The following TARM1 variants were observed in gnomAD, a reference collection of about 807,000 sequenced individuals.
TARM1 encodes the protein T-cell-interacting, activating receptor on myeloid cells protein 1.
TARM1 carries 24 observed loss-of-function variants against 30.4 expected under a neutral mutation model. The ratio of observed to expected loss-of-function variants is 0.79; its 90% CI spans 0.57 to 1.11. The LOEUF is 1.11. Among genes scored for constraint, TARM1 ranks in the 50% least tolerant of loss-of-function variants. TARM1 has a pLI of 0.00. For synonymous variants in TARM1, 129 were observed against 138.9 expected (o/e 0.93, Z 0.50); for missense variants, 323 against 332.8 (o/e 0.97, Z 0.23).
intron 1 of TARM1, among the ~76,000 whole-genome samples, chr19:54,080,320 T>C (rs755445756): frequency 4.7e-5 from 7 of 148,316 alleles, no homozygotes; most frequent in Non-Finnish European, 9.0e-5. Context: ...AAGCCGGGCA[T>C]GGTGGCGGGC....
chr19:54,071,104 C>T (rs2071800277), intron 4 of TARM1, among the ~76,000 whole-genome samples: 1 of 151,166 alleles, frequency 6.6e-6, no homozygotes, highest in South Asian at 2.1e-4. Flanking sequence ...ATTACAGGCA[C>T]CTACCACCAC....
Position 54,069,923 on chromosome 19 carries a change from A to C in TARM1, c.*80T>G, listed in dbSNP as rs1386089765. 2 of 1,101,740 alleles carry C rather than the reference A, an allele frequency of 1.8e-6. No homozygotes were observed. Among genetic ancestry groups the C allele is most frequent in the African/African-American group, 3.1e-5 (2 of 63,522 alleles). The allele number at this position is 1,101,740 out of a possible 1,614,324, so 68.2% of individuals were successfully genotyped here. A position where few individuals can be genotyped will look rare whatever the true frequency, so the allele number is the denominator to read the frequency against. On this transcript the variant is annotated 3_prime_UTR_variant, in exon 5 of 5. Transcript: ENST00000432826. The stretch of plus-strand genomic sequence containing the variant: ...ATGTTGTGACCTGTCTCATCCTGTG[A>C]CTTAGAAAGCCTCAACCCCCTGGGA...
intron 1 of TARM1, among the ~76,000 whole-genome samples, chr19:54,079,592 C>T (rs1255761470): frequency 2.0e-5 from 3 of 152,174 alleles, no homozygotes; most frequent in Admixed American, 2.0e-4. Flanking sequence ...TGGCTCACGC[C>T]TGTAATCCCA....
intron 1 of TARM1, chr19:54,076,153 C>T: frequency 6.7e-7 from 1 of 1,490,346 alleles, no homozygotes; most frequent in Non-Finnish European, 8.9e-7. Flanking sequence ...CCTCCCCCTG[C>T]TCCAGGCCTT....
Position 54,074,809 on chromosome 19 carries a change from G to T in TARM1, c.361+15C>A. 1 of 1,547,556 alleles carries T rather than the reference G, an allele frequency of 6.5e-7. No homozygotes were observed. Among genetic ancestry groups the T allele is most frequent in the Middle Eastern group, 1.7e-4 (1 of 5,980 alleles). On this transcript the variant is annotated intron_variant, in intron 3 of 4. Coordinates refer to ENST00000432826, the MANE Select transcript of TARM1 (RefSeq NM_001135686.3). Reference sequence around the variant, plus strand: ...CCTGTCCCCCGTATGTCATTGGCAGGCACCCTGTCTGTACCTGTCACCAAC... The same window carrying T: ...CCTGTCCCCCGTATGTCATTGGCAGTCACCCTGTCTGTACCTGTCACCAAC...
chr19:54,079,931 G>A lies in TARM1; in HGVS notation c.34+1376C>T, dbSNP rs587721471. On this transcript the variant is annotated intron_variant, in intron 1 of 4. Coordinates refer to ENST00000432826, the MANE Select transcript of TARM1 (RefSeq NM_001135686.3). Reference sequence around the variant, plus strand: ...AGGCAGGAGAATTGCTTGAGCCCAGGAGGTGGAGGCTGCAGTGAGCTGTGG... The same window carrying A: ...AGGCAGGAGAATTGCTTGAGCCCAGAAGGTGGAGGCTGCAGTGAGCTGTGG... Among the ~76,000 whole-genome samples, 23 of 150,952 alleles carry A rather than the reference G, an allele frequency of 1.5e-4. No individual in the cohort carries two copies. The East Asian group carries it at 3.5e-3, about 23-fold the overall frequency.
In TARM1 at chr19:54,080,088, AAAGAAAGG is replaced by A. The variant is rs1386557608; in HGVS notation, c.34+1211_34+1218del. ...GAAGGAAGGAATGAAGGAGAAAGAG[AAAGAAAGG>A]AAGGAAGGAAGGAAGGAAGGAAGGA... On this transcript the variant is annotated intron_variant, in intron 1 of 4. Coordinates refer to ENST00000432826, the MANE Select transcript of TARM1 (RefSeq NM_001135686.3). Among the ~76,000 whole-genome samples the A allele has an allele frequency of 1.1e-4, 8 of 70,446 alleles. 1 individual carries two copies. Among genetic ancestry groups the A allele is most frequent in the Admixed American group, 9.1e-4 (6 of 6,594 alleles). The allele number at this position is 70,446 out of a possible 152,430, so 46.2% of individuals were successfully genotyped here. A position where few individuals can be genotyped will look rare whatever the true frequency, so the allele number is the denominator to read the frequency against.
chr19:54,074,390 G>C (rs2071892279), intron 3 of TARM1, among the ~76,000 whole-genome samples, 174 bp from the exon 4 acceptor site: 1 of 152,028 alleles, frequency 6.6e-6, no homozygotes, highest in Non-Finnish European at 1.5e-5. Flanking sequence ...CCTCCTACAA[G>C]ACCTGTGTAA....
At chr19:54,070,603 G>T (rs1293147140) in intron 4 of TARM1, among the ~76,000 whole-genome samples, 1 of 151,356 alleles carries the variant, frequency 6.6e-6, no homozygotes, top group Non-Finnish European at 1.5e-5. Flanking sequence ...GTACTTTAAA[G>T]TTTTAATTGA....
chr19:54,080,059 A>AGAGGAAGGAAGG lies in TARM1; in HGVS notation c.34+1236_34+1247dup, dbSNP rs1428643240. Among the ~76,000 whole-genome samples, 14 of 136,418 alleles carry AGAGGAAGGAAGG rather than the reference A, an allele frequency of 1.0e-4. No homozygotes were observed. The East Asian group carries it at 2.0e-3, about 19-fold the overall frequency. 89.5% of individuals were successfully genotyped at this position (136,418 alleles called of 152,430 possible). A position where few individuals can be genotyped will look rare whatever the true frequency, so the allele number is the denominator to read the frequency against. On this transcript the variant is annotated intron_variant, in intron 1 of 4. Transcript: ENST00000432826. ...AAGGAAGGAAGGAAGGGAAAGAGAG[A>AGAGGAAGGAAGG]GAGGAAGGAAGGAATGAAGGAGAAA...
At chr19:54,075,429 A>G (rs587614247) in intron 2 of TARM1, among the ~76,000 whole-genome samples, 1 of 151,198 alleles carries the variant, frequency 6.6e-6, no homozygotes, top group Non-Finnish European at 1.5e-5. Flanking sequence ...CAGGTGATCC[A>G]CCCACCTTGG....
At position 54,074,952 on chromosome 19, in the gene TARM1, C is replaced by A; in HGVS notation, c.233G>T (p.Gly78Val). The A allele has an allele frequency of 6.4e-7, 1 of 1,551,570 alleles. No homozygotes were observed. Among genetic ancestry groups the A allele is most frequent in the African/African-American group, 1.4e-5 (1 of 73,134 alleles). ...ATTATTGAGGTGAAATTCGGCCGCGCCCTCTGTAGAATCAAGGGGCTTCGG... is the reference window on the plus strand; with the variant it reads ...ATTATTGAGGTGAAATTCGGCCGCGACCTCTGTAGAATCAAGGGGCTTCGG... ...ESPKPLDSTEGAAEFHLNNLK... is the reference protein window; with the variant it reads ...ESPKPLDSTEVAAEFHLNNLK... The change falls in exon 3 of 5, where the codon GGC becomes GTC. Residue 78 changes from glycine (G) to valine (V), a missense_variant. Transcript: ENST00000432826.
At chr19:54,077,737 T>TTC (rs2071992141) in intron 1 of TARM1, among the ~76,000 whole-genome samples, 1 of 149,262 alleles carries the variant, frequency 6.7e-6, no homozygotes, top group African/African-American at 2.4e-5. Context: ...TTCTTTTTCT[T>TTC]CGTTTTTTTT....
In TARM1 at chr19:54,074,683, A is replaced by G. The variant is rs117632364; in HGVS notation, c.361+141T>C. On this transcript the variant is annotated intron_variant, in intron 3 of 4. Transcript: ENST00000432826. ...GGGCGACAAAGTATAAAACCAACAT[A>G]TGCAATTTCGTTCCTGTCTCTCTCC... 2,709 of 888,088 alleles carry G rather than the reference A, an allele frequency of 3.1e-3. 7 individuals carry two copies. Among genetic ancestry groups the G allele is most frequent in the Non-Finnish European group, 3.6e-3 (2,154 of 593,524 alleles). 55.0% of individuals were successfully genotyped at this position (888,088 alleles called of 1,614,324 possible).
In TARM1 at chr19:54,074,053, C is replaced by T. The variant is rs58216808; in HGVS notation, c.525G>A (p.Ala175=). The change falls in exon 4 of 5, where the codon GCG becomes GCA. Residue 175 remains alanine (A), a synonymous_variant. Transcript: ENST00000432826. ...CCAGAGAGAAGTCTATCTCCTTCCC[C>T]GCTGGACTCTGCAGCTGGATGGGTG... ...TPSPIQLQSP[A]GKEIDFSLVD... 4,834 of 1,551,652 alleles carry T rather than the reference C, an allele frequency of 3.1e-3. 67 individuals carry two copies. The African/African-American group carries it at 0.036, about 12-fold the overall frequency.
chr19:54,073,885 C>T (rs2071873207), intron 4 of TARM1, 35 bp downstream of exon 4: 3 of 1,535,978 alleles, frequency 2.0e-6, no homozygotes, highest in South Asian at 1.2e-5. Context: ...TTAAAAACAA[C>T]ACACACAGTT....
In TARM1 at chr19:54,074,275, C is replaced by T. The variant is rs768923184; in HGVS notation, c.362-59G>A. ...AGAAGTCTGGAATCCCCCACTCACCCCTGTTCTCCTGGCCGGAGGCTCTCG... is the reference window on the plus strand; with the variant it reads ...AGAAGTCTGGAATCCCCCACTCACCTCTGTTCTCCTGGCCGGAGGCTCTCG... On this transcript the variant is annotated intron_variant, in intron 3 of 4. Coordinates refer to ENST00000432826, the MANE Select transcript of TARM1 (RefSeq NM_001135686.3). 135 of 1,461,852 alleles carry T rather than the reference C, an allele frequency of 9.2e-5. 1 individual carries two copies. Among genetic ancestry groups the T allele is most frequent in the Admixed American group, 3.1e-4 (15 of 48,880 alleles). The allele number at this position is 1,461,852 out of a possible 1,614,324, so 90.6% of individuals were successfully genotyped here. A position where few individuals can be genotyped will look rare whatever the true frequency, so the allele number is the denominator to read the frequency against.
intron 1 of TARM1, among the ~76,000 whole-genome samples, chr19:54,077,707 T>C (rs1283109214): frequency 6.6e-6 from 1 of 151,602 alleles, no homozygotes; most frequent in Non-Finnish European, 1.5e-5. Context: ...GTGTGCTCTA[T>C]ATATTCAATG....
chr19:54,081,172 C>T (rs1038801162), intron 1 of TARM1, 135 bp downstream of exon 1: 80 of 783,350 alleles, frequency 1.0e-4, no homozygotes, highest in Admixed American at 2.0e-4. Flanking sequence ...GTCTGCAGTG[C>T]ACTCAGCAGG....
Sources: allele counts gnomAD v4.1 joint callset (sites outside exome capture counted in the v4.1 genomes callset), GRCh38; gene constraint gnomAD v4.1.1; transcripts MANE v1.5; gene names NCBI Gene and HGNC (gene_info 2026-07-23, HGNC 2026-07-21).